Variants in THEMIS observed in about 807,000 individuals in gnomAD.
THEMIS encodes the protein thymocyte selection associated, also known as protein THEMIS.
THEMIS carries 37 observed loss-of-function variants against 52.6 expected under a neutral mutation model. That is an observed-to-expected ratio of 0.70 (90% CI 0.54 to 0.93). The LOEUF (loss-of-function observed/expected upper bound fraction) is 0.93. Among genes scored for constraint, THEMIS ranks in the 40% least tolerant of loss-of-function variants. THEMIS has a pLI of 0.00. For synonymous variants in THEMIS, 292 were observed against 272.7 expected, an observed-to-expected ratio of 1.07 and a Z score of -0.70; for missense variants, 808 against 763.1, an observed-to-expected ratio of 1.06 and a Z score of -0.69.
chr6:127,718,706 T>C (rs1202736462), intron 5 of THEMIS, among the ~76,000 whole-genome samples: 1 of 151,990 alleles, frequency 6.6e-6, no homozygotes, highest in Non-Finnish European at 1.5e-5. Flanking sequence ...TGATTAGTAT[T>C]AGAAATTTGG....
At chr6:127,707,226 A>G (rs886297446), downstream of THEMIS, among the ~76,000 whole-genome samples, 2 of 152,108 alleles carry the variant, frequency 1.3e-5, no homozygotes, top group African/African-American at 2.4e-5. Flanking sequence ...GGGAACTACA[A>G]TTCAAGACGA....
At chr6:127,833,060 A>C (rs1026827327) in intron 2 of THEMIS, among the ~76,000 whole-genome samples, 7 of 152,026 alleles carry the variant, frequency 4.6e-5, no homozygotes, top group Non-Finnish European at 8.8e-5. Flanking sequence ...CTGGGATTAC[A>C]GGTGTGAGCC....
chr6:127,724,449 T>C (rs556679659), intron 4 of THEMIS, among the ~76,000 whole-genome samples: 1 of 152,228 alleles, frequency 6.6e-6, no homozygotes, highest in South Asian at 2.1e-4. Context: ...CAGATCCTGC[T>C]TCTGTGATGT....
chr6:127,734,900 T>A (rs1227354515), intron 4 of THEMIS, among the ~76,000 whole-genome samples: 78 of 109,670 alleles, frequency 7.1e-4, no homozygotes, highest in African/African-American at 2.4e-3. Context: ...AAAAAAAATA[T>A]ATATATATAT....
At chr6:127,904,162 A>C (rs113553950), upstream of THEMIS, among the ~76,000 whole-genome samples, 2,676 of 152,190 alleles carry the variant, frequency 0.018, 85 homozygotes, top group African/African-American at 0.06. Flanking sequence ...GACTTTGGGA[A>C]GTAGCAATTC....
At chr6:127,787,621 T>C (rs902800248) in intron 4 of THEMIS, among the ~76,000 whole-genome samples, 1 of 152,128 alleles carries the variant, frequency 6.6e-6, no homozygotes, top group Non-Finnish European at 1.5e-5. Context: ...TTTGAATGTA[T>C]CATAGAGAAC....
intron 2 of THEMIS, among the ~76,000 whole-genome samples, chr6:127,843,842 T>A (rs1024635050): frequency 1.2e-4 from 18 of 151,932 alleles, no homozygotes; most frequent in African/African-American, 4.1e-4. Flanking sequence ...GAGAGGACCA[T>A]GTGGTAAAGA....
intron 1 of THEMIS, among the ~76,000 whole-genome samples, chr6:127,894,291 G>A (rs1780899221): frequency 6.6e-6 from 1 of 151,798 alleles, no homozygotes. Context: ...ATACCACAAA[G>A]TAAAGGAAAC....
chr6:127,719,199 CT>C (rs911727618), intron 5 of THEMIS, among the ~76,000 whole-genome samples: 1 of 151,838 alleles, frequency 6.6e-6, no homozygotes, highest in Non-Finnish European at 1.5e-5. Flanking sequence ...CTATCAACTC[CT>C]CCACAAGTCC....
intron 4 of THEMIS, among the ~76,000 whole-genome samples, chr6:127,737,143 C>A (rs1312492134): frequency 6.6e-6 from 1 of 152,120 alleles, no homozygotes; most frequent in Non-Finnish European, 1.5e-5. Context: ...TGGCTCTTGG[C>A]AACTACCTTT....
At chr6:127,844,034 A>C (rs568485648) in intron 2 of THEMIS, among the ~76,000 whole-genome samples, 19 of 152,118 alleles carry the variant, frequency 1.2e-4, no homozygotes, top group African/African-American at 4.1e-4. Context: ...TATGTGAGAA[A>C]TGTTGTTTTA....
intron 4 of THEMIS, among the ~76,000 whole-genome samples, chr6:127,749,325 C>T (rs905315146): frequency 5.9e-5 from 9 of 151,962 alleles, no homozygotes; most frequent in Admixed American, 5.9e-4. Flanking sequence ...AGCAAAGAAA[C>T]TGAGCTCAAT....
intron 3 of THEMIS, among the ~76,000 whole-genome samples, chr6:127,824,809 C>T (rs895595355): frequency 3.3e-5 from 5 of 152,136 alleles, no homozygotes; most frequent in Non-Finnish European, 7.4e-5. Context: ...CCTGTAGTCC[C>T]AGCTACTTGA....
intron 1 of THEMIS, among the ~76,000 whole-genome samples, chr6:127,879,958 C>A (rs1343083680): frequency 2.0e-5 from 3 of 152,176 alleles, no homozygotes; most frequent in Non-Finnish European, 2.9e-5. Context: ...GACTCCTCCC[C>A]CGGGTGTAGC....
intron 2 of THEMIS, among the ~76,000 whole-genome samples, chr6:127,839,277 G>A (rs1050382774): frequency 1.3e-5 from 2 of 151,818 alleles, no homozygotes; most frequent in Non-Finnish European, 2.9e-5. Flanking sequence ...GTAAATAAAT[G>A]AGTTAGTTAT....
intron 1 of THEMIS, among the ~76,000 whole-genome samples, chr6:127,888,528 TATAAC>T (rs1183809170): frequency 1.3e-5 from 2 of 152,100 alleles, no homozygotes; most frequent in Non-Finnish European, 2.9e-5. Context: ...TTATAAAAAT[TATAAC>T]AGAATACATC....
intron 1 of THEMIS, among the ~76,000 whole-genome samples, chr6:127,898,740 C>G (rs185428296): frequency 2.6e-4 from 39 of 151,900 alleles, no homozygotes; most frequent in Admixed American, 2.5e-3. Flanking sequence ...ACTTAAATGT[C>G]CATCAACAGA....
chr6:127,838,703 C>T (rs1024485140), intron 2 of THEMIS, among the ~76,000 whole-genome samples: 1 of 152,020 alleles, frequency 6.6e-6, no homozygotes, highest in Non-Finnish European at 1.5e-5. Flanking sequence ...CCAATTTGAT[C>T]TACTGTTTGC....
chr6:127,771,705 T>C (rs1476939855), intron 4 of THEMIS, among the ~76,000 whole-genome samples: 2 of 152,182 alleles, frequency 1.3e-5, no homozygotes, highest in African/African-American at 4.8e-5. Context: ...AAATCATTAA[T>C]TACAATTCAC....
Sources: gnomAD v4.1 joint callset for allele counts (sites outside exome capture counted in the v4.1 genomes callset) on GRCh38, gnomAD v4.1.1 for gene constraint, MANE v1.5 for transcripts, NCBI Gene and HGNC (gene_info 2026-07-23, HGNC 2026-07-21) for gene names.